The following CUBN variants were observed in gnomAD, a reference collection of about 807,000 sequenced individuals.
CUBN encodes the protein cubilin, also known as 460 kDa receptor.
A neutral mutation model predicts 405.3 loss-of-function variants in CUBN; 282 were observed. The observed-to-expected ratio is 0.70, with a 90% CI of 0.63 to 0.77. The LOEUF is 0.77. Among genes scored for constraint, CUBN ranks in the 30% least tolerant of loss-of-function variants. The pLI, the probability that CUBN is intolerant of heterozygous loss-of-function variation, is 0.00. For missense variants in CUBN, 4,514 were observed against 4,475.2 expected (o/e 1.01, Z -0.25); for synonymous variants, 1,684 against 1,617.0 (o/e 1.04, Z -0.99).
chr10:17,075,212 T>C (rs918768867), intron 17 of CUBN, among the ~76,000 whole-genome samples: 1 of 147,942 alleles, frequency 6.8e-6, no homozygotes, highest in African/African-American at 2.5e-5. Context: ...GCCTCCCAAA[T>C]AGCTGAGACT....
At chr10:17,118,943 T>C (rs1036747754) in intron 6 of CUBN, among the ~76,000 whole-genome samples, 10 of 152,240 alleles carry the variant, frequency 6.6e-5, no homozygotes, top group Non-Finnish European at 8.8e-5. Context: ...TATGACCTTT[T>C]ATTGCCAACT....
intron 57 of CUBN, 25 bp downstream of exon 57, chr10:16,876,871 CA>C (rs1281416589): frequency 6.2e-7 from 1 of 1,600,098 alleles, no homozygotes; most frequent in Non-Finnish European, 8.6e-7. Context: ...AAGAAAATTC[CA>C]AACTCTGTCA....
At chr10:17,009,103 T>C (rs1834108964) in intron 28 of CUBN, among the ~76,000 whole-genome samples, 1 of 152,232 alleles carries the variant, frequency 6.6e-6, no homozygotes, top group African/African-American at 2.4e-5. Flanking sequence ...TGGCATTGCA[T>C]ACCTGTAGAA....
chr10:16,851,297 A>C lies in CUBN; in HGVS notation c.9601T>G (p.Phe3201Val). 6.2e-7 allele frequency: 1 copy of C among 1,614,162 alleles called. No individual in the cohort carries two copies. The highest frequency in any genetic ancestry group is 1.3e-5 in the African/African-American group (1 of 75,054). ...APVNKVIHLT[F>V]NTFALEAAST... ...GCTGCCTCCAGAGCAAATGTATTGA[A>C]GGTGAGGTGAATTACTTTGTTTACA... is the stretch of plus-strand genomic sequence containing the variant. The change falls in exon 60 of 67, where the codon TTC (phenylalanine) becomes GTC (valine). Residue 3201 changes from phenylalanine (F) to valine (V), a missense_variant. By Grantham distance (50) the Phe-to-Val change is conservative. Around this residue, in one of 5 missense-constraint regions of CUBN, gnomAD observed 1,186 missense variants for 1,186.9 expected, o/e 1.00. Transcript: ENST00000377833.
At chr10:17,003,976 G>A (rs1833954278) in intron 28 of CUBN, among the ~76,000 whole-genome samples, 1 of 152,174 alleles carries the variant, frequency 6.6e-6, no homozygotes, top group Non-Finnish European at 1.5e-5. Context: ...TAGTCTAGCT[G>A]GCTTTGAGAA....
chr10:17,046,807 G>C (rs1835145081), intron 23 of CUBN, among the ~76,000 whole-genome samples: 1 of 152,048 alleles, frequency 6.6e-6, no homozygotes, highest in African/African-American at 2.4e-5. Flanking sequence ...TGATATAGAT[G>C]CCCACCAGAA....
rs75992651 is a variant in CUBN at position 17,062,201 on chromosome 10, T to C, written c.3139+3307A>G. 8.3e-3 allele frequency among the ~76,000 whole-genome samples: 1,270 copies of C among 152,294 alleles called. 65 individuals are homozygous for C. The East Asian group carries it at 0.12, about 14-fold the overall frequency. On this transcript the variant is annotated intron_variant, in intron 22 of 66. Transcript: ENST00000377833. Reference sequence around the variant, plus strand: ...AATCACAAGTAGCAACCGAATAAATTAATTTCATGACTCACGAATGAGTCA... The same window carrying C: ...AATCACAAGTAGCAACCGAATAAATCAATTTCATGACTCACGAATGAGTCA...
chr10:17,126,908 G>T (rs1837204917), intron 3 of CUBN, 109 bp from the exon 4 acceptor site: 5 of 1,100,932 alleles, frequency 4.5e-6, no homozygotes, highest in South Asian at 1.3e-5. Flanking sequence ...GACACACTTT[G>T]TTCATTCCTC....
At chr10:16,910,045 C>A (rs1379294617) in intron 48 of CUBN, among the ~76,000 whole-genome samples, 1 of 152,058 alleles carries the variant, frequency 6.6e-6, no homozygotes, top group Admixed American at 6.6e-5. Context: ...TCACTCTTTT[C>A]TTTTTTTTCT....
At chr10:16,985,243 C>T (rs1378514583) in intron 29 of CUBN, among the ~76,000 whole-genome samples, 2 of 152,174 alleles carry the variant, frequency 1.3e-5, no homozygotes, top group African/African-American at 2.4e-5. Flanking sequence ...AGCAGATGGG[C>T]AGATGAATAG....
chr10:17,044,922 C>T (rs1433907536), intron 25 of CUBN, 85 bp downstream of exon 25: 1 of 1,336,642 alleles, frequency 7.5e-7, no homozygotes, highest in East Asian at 2.3e-5. Context: ...GCTCCCCTTT[C>T]CTGAATCTCG....
chr10:17,075,189 T>C (rs1370495287), intron 17 of CUBN, among the ~76,000 whole-genome samples: 1 of 141,428 alleles, frequency 7.1e-6, no homozygotes, highest in East Asian at 2.4e-4. Context: ...ATTCAAGCAA[T>C]TCTCCTGCCT....
intron 31 of CUBN, among the ~76,000 whole-genome samples, chr10:16,980,436 C>T (rs1211864484): frequency 6.6e-6 from 1 of 152,166 alleles, no homozygotes; most frequent in Non-Finnish European, 1.5e-5. Context: ...GACTTGGAAC[C>T]AACCCAAATG....
rs77065263 is a variant in CUBN, at chr10:17,097,867, GT to G, written c.1765+2137del. On this transcript the variant is annotated intron_variant, in intron 14 of 66. Transcript: ENST00000377833. ...TGGTAACTAGGAACAAAAGGTGTGG[GT>G]TTTTTTTTAATTCTTTATAAATTCT... Among the ~76,000 whole-genome samples, 58 of 151,512 alleles carry G rather than the reference GT, an allele frequency of 3.8e-4. No homozygotes were observed. In the East Asian group the frequency reaches 9.5e-3, roughly 25 times the overall value.
chr10:17,116,363 G>C (rs1397099696), intron 6 of CUBN, among the ~76,000 whole-genome samples: 1 of 152,206 alleles, frequency 6.6e-6, no homozygotes, highest in Non-Finnish European at 1.5e-5. Flanking sequence ...GAGCATGGGA[G>C]CTAGGGGAGG....
intron 28 of CUBN, among the ~76,000 whole-genome samples, chr10:16,999,951 C>T (rs1326984969): frequency 2.0e-5 from 3 of 152,190 alleles, no homozygotes; most frequent in Admixed American, 6.5e-5. Flanking sequence ...GGCAGCACCA[C>T]GTCCATGGCA....
At chr10:16,917,336 G>A (rs1486927282) in intron 45 of CUBN, among the ~76,000 whole-genome samples, 1 of 151,978 alleles carries the variant, frequency 6.6e-6, no homozygotes, top group Non-Finnish European at 1.5e-5. Flanking sequence ...GCCTCAGATA[G>A]TACCAAACCC....
chr10:17,003,345 T>A (rs1435852515), intron 28 of CUBN, among the ~76,000 whole-genome samples: 1 of 152,146 alleles, frequency 6.6e-6, no homozygotes, highest in Non-Finnish European at 1.5e-5. Context: ...CGCCTGAGAT[T>A]AGAACCAGAC....
chr10:17,096,479 G>C (rs1836377476), intron 14 of CUBN, among the ~76,000 whole-genome samples: 1 of 151,942 alleles, frequency 6.6e-6, no homozygotes, highest in African/African-American at 2.4e-5. Flanking sequence ...ATTGGGAAAA[G>C]AAGATAAAAA....
Sources: gnomAD v4.1 joint callset for allele counts (sites outside exome capture counted in the v4.1 genomes callset) on GRCh38, gnomAD v4.1.1 for gene constraint, gnomAD v4.1.1 regional missense constraint, MANE v1.5 for transcripts, NCBI Gene and HGNC (gene_info 2026-07-23, HGNC 2026-07-21) for gene names.